ANO4: variants seen among roughly 807,000 people sequenced by gnomAD.
The protein encoded by ANO4 is anoctamin 4.
Under a neutral mutation model 141.9 loss-of-function variants are expected in ANO4, and 69 were observed. The ratio of observed to expected loss-of-function variants is 0.49; its 90% CI spans 0.40 to 0.59. The LOEUF is 0.59. ANO4 is among the 20% of genes least tolerant of loss of function. The pLI is 0.00. For missense variants in ANO4, 894 were observed against 1,162.2 expected (o/e 0.77, Z 3.36); for synonymous variants, 350 against 394.3 (o/e 0.89, Z 1.33).
At chr12:100,840,873 T>C (rs1053967615) in intron 1 of ANO4, among the ~76,000 whole-genome samples, 14 of 152,180 alleles carry the variant, frequency 9.2e-5, no homozygotes, top group Non-Finnish European at 1.5e-4. Flanking sequence ...GCATTTGTCT[T>C]TGGCTAGCCT....
At chr12:100,787,153 A>G (rs2033899377) in intron 3 of ANO4, among the ~76,000 whole-genome samples, 1 of 152,232 alleles carries the variant, frequency 6.6e-6, no homozygotes, top group Admixed American at 6.5e-5. Context: ...AACACATAGT[A>G]AGACAGTTAT....
chr12:100,825,980 T>G (rs2036316818), intron 1 of ANO4, among the ~76,000 whole-genome samples: 1 of 152,016 alleles, frequency 6.6e-6, no homozygotes. Context: ...TCAACTGGCT[T>G]GGGAATGCAC....
intron 27 of ANO4, 71 bp downstream of exon 27, chr12:101,127,145 A>G (rs1003014186): frequency 7.2e-7 from 1 of 1,395,856 alleles, no homozygotes; most frequent in Non-Finnish European, 9.8e-7. Context: ...TCCCTGAAGC[A>G]AAGCTTACCA....
intron 14 of ANO4, chr12:101,068,766 C>T (rs774285198): frequency 7.9e-7 from 1 of 1,266,774 alleles, no homozygotes; most frequent in Non-Finnish European, 1.2e-6. Context: ...ACACTGCAGC[C>T]TGCTTACATA....
chr12:101,117,520 A>T lies in ANO4; in HGVS notation c.2570+722A>T, dbSNP rs1317975228. Among the ~76,000 whole-genome samples, 3 of 152,320 alleles carry T rather than the reference A, an allele frequency of 2.0e-5. No individual in the cohort carries two copies. In the East Asian group the frequency reaches 5.8e-4, roughly 29 times the overall value. On this transcript the variant is annotated intron_variant, in intron 25 of 27. Coordinates refer to ENST00000392977, the MANE Select transcript of ANO4 (RefSeq NM_001286615.2). ...TGAGATTACTTGTGCACAGTTCTTG[A>T]AGAGTCCAGATGGCACCTTTTTCTC...
At chr12:100,961,718 T>C (rs2043433591) in intron 5 of ANO4, among the ~76,000 whole-genome samples, 2 of 152,242 alleles carry the variant, frequency 1.3e-5, no homozygotes, top group Admixed American at 1.3e-4. Flanking sequence ...TTTTTGTATA[T>C]ATGCTAAGTC....
chr12:100,718,029 A>G (rs2030693425), intron 1 of ANO4, among the ~76,000 whole-genome samples: 1 of 152,218 alleles, frequency 6.6e-6, no homozygotes, highest in South Asian at 2.1e-4. Context: ...TTAAAATAAT[A>G]TGCACTGTAA....
intron 14 of ANO4, among the ~76,000 whole-genome samples, chr12:101,063,775 T>TTTTC (rs2048456096): frequency 7.4e-6 from 1 of 135,510 alleles, no homozygotes; most frequent in Non-Finnish European, 1.6e-5. Flanking sequence ...TTTTTTTTTT[T>TTTTC]TTTGCCTTTG....
At chr12:101,080,916 TA>T (rs2049246634) in intron 15 of ANO4, among the ~76,000 whole-genome samples, 1 of 108,946 alleles carries the variant, frequency 9.2e-6, no homozygotes, top group African/African-American at 3.2e-5. Flanking sequence ...CACATATACA[TA>T]TATATAAATA....
intron 7 of ANO4, among the ~76,000 whole-genome samples, chr12:100,982,007 G>A (rs2044486778): frequency 6.6e-6 from 1 of 152,126 alleles, no homozygotes; most frequent in African/African-American, 2.4e-5. Flanking sequence ...TGCTTATACT[G>A]TATTGTCAGC....
At chr12:100,977,385 C>T (rs2044246349) in intron 7 of ANO4, among the ~76,000 whole-genome samples, 1 of 152,138 alleles carries the variant, frequency 6.6e-6, no homozygotes. Context: ...CACACAGTCA[C>T]CTAATTTAAA....
At chr12:101,110,254 T>C in intron 22 of ANO4, 150 bp from the exon 23 acceptor site, 1 of 779,992 alleles carries the variant, frequency 1.3e-6, no homozygotes, top group Non-Finnish European at 1.8e-6. Flanking sequence ...TTTTCCAGTC[T>C]CCTGGCCATC....
intron 3 of ANO4, among the ~76,000 whole-genome samples, chr12:100,787,428 A>T (rs2033909241): frequency 6.6e-6 from 1 of 152,072 alleles, no homozygotes; most frequent in African/African-American, 2.4e-5. Context: ...GCAAGTGGGG[A>T]ATGATGGCAA....
chr12:101,093,161 C>T (rs1386284667), intron 17 of ANO4, among the ~76,000 whole-genome samples: 2 of 152,102 alleles, frequency 1.3e-5, no homozygotes, highest in Non-Finnish European at 2.9e-5. Context: ...GTTCCTATGC[C>T]ATATTAATAT....
Position 101,063,643 on chromosome 12 carries a change from G to A in ANO4, c.1312+15242G>A, listed in dbSNP as rs114347135. 3.5e-3 allele frequency among the ~76,000 whole-genome samples: 522 copies of A among 149,752 alleles called. 4 individuals carry two copies. The highest frequency in any genetic ancestry group is 0.012 in the African/African-American group (502 of 40,884). The stretch of plus-strand genomic sequence containing the variant: ...GTGTTATTTCCATCTTGAATGTTTG[G>A]TAAATTGTACCAGTGATGCCACCTG... On this transcript the variant is annotated intron_variant, in intron 14 of 27. Coordinates refer to ENST00000392977, the MANE Select transcript of ANO4 (RefSeq NM_001286615.2).
At chr12:101,014,855 G>A (rs2046248672) in intron 8 of ANO4, among the ~76,000 whole-genome samples, 1 of 152,044 alleles carries the variant, frequency 6.6e-6, no homozygotes, top group African/African-American at 2.4e-5. Flanking sequence ...TTTTTTAAGA[G>A]GCAGAATCTC....
intron 1 of ANO4, among the ~76,000 whole-genome samples, chr12:100,864,793 G>A (rs1234372912): frequency 6.6e-6 from 1 of 152,060 alleles, no homozygotes; most frequent in East Asian, 1.9e-4. Context: ...CCATCAACCC[G>A]TCATCTACAT....
chr12:101,075,006 T>G (rs2048966095), intron 14 of ANO4, among the ~76,000 whole-genome samples: 1 of 152,100 alleles, frequency 6.6e-6, no homozygotes, highest in African/African-American at 2.4e-5. Context: ...GGTTTGGGTT[T>G]TTATTGGTTT....
intron 9 of ANO4, among the ~76,000 whole-genome samples, chr12:101,030,494 G>A (rs1378419699): frequency 6.6e-6 from 1 of 152,092 alleles, no homozygotes; most frequent in Non-Finnish European, 1.5e-5. Context: ...AGAGGGAAAT[G>A]TATAGCACTA....
Sources: allele counts gnomAD v4.1 joint callset (sites outside exome capture counted in the v4.1 genomes callset), GRCh38; gene constraint gnomAD v4.1.1; transcripts MANE v1.5; gene names NCBI Gene and HGNC (gene_info 2026-07-23, HGNC 2026-07-21).